ADAMTS17: variants seen among roughly 807,000 people sequenced by gnomAD.
The protein encoded by ADAMTS17 is ADAM metallopeptidase with thrombospondin type 1 motif 17, also known as A disintegrin and metalloproteinase with thrombospondin motifs 17.
ADAMTS17 carries 113 observed loss-of-function variants against 141.5 expected under a neutral mutation model. The observed-to-expected ratio is 0.80, with a 90% confidence interval of 0.69 to 0.93. The LOEUF (loss-of-function observed/expected upper bound fraction) is 0.93. ADAMTS17 is among the 40% of genes least tolerant of loss of function. The probability of loss-of-function intolerance (pLI) is 0.00; values close to 1 mark genes in which losing one functional copy is unlikely to be tolerated. For synonymous variants in ADAMTS17, 768 were observed against 630.6 expected, an observed-to-expected ratio of 1.22 and a Z score of -3.27; for missense variants, 1,659 against 1,517.9, an observed-to-expected ratio of 1.09 and a Z score of -1.54.
chr15:100,193,029 G>C (rs1156462777), intron 8 of ADAMTS17, among the ~76,000 whole-genome samples: 1 of 152,210 alleles, frequency 6.6e-6, no homozygotes, highest in Non-Finnish European at 1.5e-5. Flanking sequence ...ACTCACCTTG[G>C]CACAGCATCA....
chr15:100,140,730 C>T (rs927396405), intron 10 of ADAMTS17, among the ~76,000 whole-genome samples: 1 of 151,868 alleles, frequency 6.6e-6, no homozygotes, highest in African/African-American at 2.4e-5. Flanking sequence ...AGGCTCCTTC[C>T]CACTGGTTAC....
chr15:100,338,179 C>T (rs548942104), intron 2 of ADAMTS17, among the ~76,000 whole-genome samples: 30 of 152,308 alleles, frequency 2.0e-4, no homozygotes, highest in African/African-American at 6.7e-4. Flanking sequence ...GAAAGGAATG[C>T]GGCAGGCCCA....
intron 7 of ADAMTS17, among the ~76,000 whole-genome samples, chr15:100,240,471 G>A (rs2042796372): frequency 6.6e-6 from 1 of 152,176 alleles, no homozygotes; most frequent in Admixed American, 6.5e-5. Context: ...CCCACTCTCT[G>A]CCAAAGAGCA....
intron 4 of ADAMTS17, among the ~76,000 whole-genome samples, chr15:100,280,236 C>T (rs1197615876): frequency 1.3e-5 from 2 of 152,110 alleles, no homozygotes; most frequent in Non-Finnish European, 2.9e-5. Flanking sequence ...ACAATGGCTC[C>T]ACCACCCACC....
intron 20 of ADAMTS17, among the ~76,000 whole-genome samples, chr15:99,977,170 A>G (rs1174695464): frequency 2.6e-5 from 4 of 151,246 alleles, no homozygotes; most frequent in Non-Finnish European, 2.9e-5. Flanking sequence ...AGAGTCACGC[A>G]CTAACATGTG....
intron 7 of ADAMTS17, among the ~76,000 whole-genome samples, chr15:100,232,827 C>T (rs35756476): frequency 0.097 from 14,774 of 152,248 alleles, 788 homozygotes; most frequent in East Asian, 0.16. Flanking sequence ...CTTCAGGTCT[C>T]GGTTGGAGGC....
At chr15:100,105,790 C>T (rs1428563717) in intron 14 of ADAMTS17, among the ~76,000 whole-genome samples, 5 of 151,970 alleles carry the variant, frequency 3.3e-5, no homozygotes, top group East Asian at 1.9e-4. Flanking sequence ...CAGGTTCAAG[C>T]GATTCTCCTG....
At chr15:100,250,629 G>A (rs982495111) in intron 7 of ADAMTS17, among the ~76,000 whole-genome samples, 12 of 152,176 alleles carry the variant, frequency 7.9e-5, no homozygotes, top group South Asian at 2.1e-4. Context: ...TGATTGTCAT[G>A]GTGGATGGAC....
At chr15:100,198,011 C>A (rs2041185433) in intron 8 of ADAMTS17, among the ~76,000 whole-genome samples, 1 of 152,072 alleles carries the variant, frequency 6.6e-6, no homozygotes, top group African/African-American at 2.4e-5. Context: ...TACCACACAC[C>A]AGGGCCTGTT....
chr15:100,255,547 C>T lies in ADAMTS17; in HGVS notation c.1032-1368G>A, dbSNP rs114170171. On this transcript the variant is annotated intron_variant, in intron 6 of 21. Transcript: ENST00000268070. Reference sequence around the variant, plus strand: ...AAATAAAATTAGAGCCATGGGTGTGCTCACTGGCCCCATACCTACCTAGCC... The same window carrying T: ...AAATAAAATTAGAGCCATGGGTGTGTTCACTGGCCCCATACCTACCTAGCC... Among the ~76,000 whole-genome samples the T allele has an allele frequency of 4.8e-3, 735 of 151,744 alleles. 6 individuals are homozygous for T. The highest frequency in any genetic ancestry group is 0.013 in the African/African-American group (528 of 41,346).
At chr15:99,995,111 T>C (rs1217488389) in intron 19 of ADAMTS17, among the ~76,000 whole-genome samples, 3 of 152,182 alleles carry the variant, frequency 2.0e-5, no homozygotes, top group Non-Finnish European at 4.4e-5. Flanking sequence ...CAGTGGACTT[T>C]ACATGCAGGA....
intron 10 of ADAMTS17, among the ~76,000 whole-genome samples, chr15:100,148,489 T>G (rs1259122374): frequency 1.3e-5 from 2 of 152,110 alleles, no homozygotes; most frequent in African/African-American, 2.4e-5. Context: ...TGAAAGATAT[T>G]TTTGCTGGGT....
At chr15:100,057,835 A>G (rs997266783) in intron 15 of ADAMTS17, among the ~76,000 whole-genome samples, 5 of 152,106 alleles carry the variant, frequency 3.3e-5, no homozygotes, top group African/African-American at 4.8e-5. Context: ...CAGGAGTGCC[A>G]GTGCGGAGAG....
intron 20 of ADAMTS17, among the ~76,000 whole-genome samples, chr15:99,977,392 ATATATATAATTTTTTTTTTTTT>A (rs2060380253): frequency 1.5e-4 from 1 of 6,562 alleles, no homozygotes; most frequent in African/African-American, 5.3e-4. Flanking sequence ...ATATATATAT[ATATATATAATTTTTTTTTTTTT>A]TTTTTTTTTT....
At chr15:100,142,353 T>C (rs1254841411) in intron 10 of ADAMTS17, among the ~76,000 whole-genome samples, 1 of 152,004 alleles carries the variant, frequency 6.6e-6, no homozygotes, top group Non-Finnish European at 1.5e-5. Context: ...GGGAAAGCAA[T>C]CCCTGGGGGT....
At chr15:100,020,948 G>A (rs2061396235) in intron 18 of ADAMTS17, among the ~76,000 whole-genome samples, 1 of 152,178 alleles carries the variant, frequency 6.6e-6, no homozygotes, top group South Asian at 2.1e-4. Context: ...CTTCTCCAGT[G>A]CTGGGAGCTT....
intron 3 of ADAMTS17, among the ~76,000 whole-genome samples, chr15:100,310,733 G>A (rs1322169822): frequency 6.6e-6 from 1 of 150,684 alleles, no homozygotes; most frequent in African/African-American, 2.4e-5. Flanking sequence ...GGCTTTACTG[G>A]GCTTTTCCCC....
In ADAMTS17 at chr15:100,142,924, G is replaced by A. The variant is rs575395487; in HGVS notation, c.1474-9609C>T. Among the ~76,000 whole-genome samples the A allele has an allele frequency of 2.0e-5, 3 of 152,326 alleles. No individual in the cohort carries two copies. The South Asian group carries it at 6.2e-4, about 32-fold the overall frequency. On this transcript the variant is annotated intron_variant, in intron 10 of 21. Coordinates refer to ENST00000268070, the MANE Select transcript of ADAMTS17 (RefSeq NM_139057.4). ...CATAACATGCACACCTCGGGTCCTT[G>A]TGAATGCTATGACATACAGGCACAT...
chr15:100,271,964 GA>G (rs1186323275), intron 4 of ADAMTS17, among the ~76,000 whole-genome samples: 2 of 152,118 alleles, frequency 1.3e-5, no homozygotes. Context: ...ACCAGTTCTT[GA>G]AAAGACTGTC....
Sources: gnomAD v4.1 joint callset for allele counts (sites outside exome capture counted in the v4.1 genomes callset) on GRCh38, gnomAD v4.1.1 for gene constraint, MANE v1.5 for transcripts, NCBI Gene and HGNC (gene_info 2026-07-23, HGNC 2026-07-21) for gene names.